Variants in GALNTL6 observed in about 807,000 individuals in gnomAD.
GALNTL6 encodes polypeptide N-acetylgalactosaminyltransferase like 6.
In GALNTL6, 46 loss-of-function variants were observed where a neutral mutation model predicts 73.7. The ratio of observed to expected loss-of-function variants is 0.62; its 90% CI spans 0.49 to 0.80. The LOEUF (loss-of-function observed/expected upper bound fraction) is 0.80, where lower values mean the gene tolerates loss of function less well. Ranked by LOEUF, GALNTL6 falls within the 30% of genes least tolerant of loss-of-function variation. The pLI is 0.00. For synonymous variants in GALNTL6, 259 were observed against 263.7 expected (o/e 0.98, Z 0.17); for missense variants, 604 against 755.0 (o/e 0.80, Z 2.34).
chr4:172,873,033 A>T (rs561539258), intron 7 of GALNTL6, among the ~76,000 whole-genome samples: 3 of 152,224 alleles, frequency 2.0e-5, no homozygotes, highest in Non-Finnish European at 4.4e-5. Context: ...AGAAATCTGC[A>T]TGTATTATTC....
At chr4:172,138,027 G>A (rs1194748523) in intron 2 of GALNTL6, among the ~76,000 whole-genome samples, 3 of 152,078 alleles carry the variant, frequency 2.0e-5, no homozygotes, top group East Asian at 1.9e-4. Flanking sequence ...GAGCTGCTGC[G>A]GAGTCCTGAT....
Position 171,821,140 on chromosome 4 carries a change from G to A in GALNTL6, c.138+6422G>A, listed in dbSNP as rs1579482209. On this transcript the variant is annotated intron_variant, in intron 2 of 12. Transcript: ENST00000506823. ...AGCCTCAGTCTCCTGGGCTCAAGCA[G>A]TCCTCCTGCCTCAGCCTTCCAAGTA... Among the ~76,000 whole-genome samples the A allele has an allele frequency of 2.0e-5, 3 of 152,032 alleles. No individual in the cohort carries two copies. The South Asian group carries it at 6.2e-4, about 31-fold the overall frequency.
At chr4:172,983,381 C>T (rs1180704499) in intron 10 of GALNTL6, among the ~76,000 whole-genome samples, 1 of 152,194 alleles carries the variant, frequency 6.6e-6, no homozygotes, top group Non-Finnish European at 1.5e-5. Context: ...GAAACTAAGA[C>T]ACCTTGTTTC....
At chr4:172,140,531 T>C (rs1266961159) in intron 2 of GALNTL6, among the ~76,000 whole-genome samples, 1 of 152,076 alleles carries the variant, frequency 6.6e-6, no homozygotes, top group African/African-American at 2.4e-5. Flanking sequence ...TAGGTATCAC[T>C]ATTTTCTCCA....
At chr4:172,099,879 C>A (rs72990331) in intron 2 of GALNTL6, among the ~76,000 whole-genome samples, 1,768 of 152,138 alleles carry the variant, frequency 0.012, 39 homozygotes, top group African/African-American at 0.039. Flanking sequence ...TTGACACTGT[C>A]CTTAAAATAT....
intron 2 of GALNTL6, among the ~76,000 whole-genome samples, chr4:172,165,926 GA>G (rs1734610280): frequency 6.6e-6 from 1 of 151,770 alleles, no homozygotes; most frequent in Non-Finnish European, 1.5e-5. Flanking sequence ...AAGCTTCAGA[GA>G]AGGAGAAAAA....
intron 2 of GALNTL6, among the ~76,000 whole-genome samples, chr4:171,955,811 A>G: frequency 6.6e-6 from 1 of 152,100 alleles, no homozygotes; most frequent in South Asian, 2.1e-4. Context: ...CATATATATA[A>G]CATGTTACCA....
chr4:172,325,873 C>T (rs1314471669), intron 4 of GALNTL6, among the ~76,000 whole-genome samples: 1 of 151,568 alleles, frequency 6.6e-6, no homozygotes, highest in Admixed American at 6.6e-5. Context: ...AAAAAGAAAA[C>T]TAAAAGAAAA....
intron 5 of GALNTL6, among the ~76,000 whole-genome samples, chr4:172,485,539 AT>A: frequency 6.6e-6 from 1 of 150,656 alleles, no homozygotes; most frequent in Non-Finnish European, 1.5e-5. Flanking sequence ...CTACTGATCT[AT>A]TCAGAGATCT....
chr4:172,250,152 C>G (rs1299221904), intron 3 of GALNTL6, among the ~76,000 whole-genome samples: 1 of 152,128 alleles, frequency 6.6e-6, no homozygotes, highest in South Asian at 2.1e-4. Context: ...TGTGGGAGCC[C>G]ACTCCTGCAT....
At chr4:172,443,229 G>A (rs1276005662) in intron 5 of GALNTL6, among the ~76,000 whole-genome samples, 5 of 140,660 alleles carry the variant, frequency 3.6e-5, no homozygotes, top group African/African-American at 1.3e-4. Context: ...GCAGTGGCAC[G>A]ATTTCAGCTC....
intron 5 of GALNTL6, among the ~76,000 whole-genome samples, chr4:172,655,585 C>T (rs946201080): frequency 6.6e-6 from 1 of 152,106 alleles, no homozygotes; most frequent in African/African-American, 2.4e-5. Flanking sequence ...CACTACAAAA[C>T]CTAGGTGTCT....
chr4:172,394,359 C>A (rs1044226992), intron 5 of GALNTL6, among the ~76,000 whole-genome samples: 6 of 151,458 alleles, frequency 4.0e-5, no homozygotes, highest in Non-Finnish European at 8.8e-5. Context: ...CACATGTGTT[C>A]CCAACTTCAA....
chr4:172,575,418 C>T (rs1218643514), intron 5 of GALNTL6, among the ~76,000 whole-genome samples: 1 of 152,146 alleles, frequency 6.6e-6, no homozygotes, highest in African/African-American at 2.4e-5. Context: ...ACACCAGCAA[C>T]AATCCTTTAT....
intron 5 of GALNTL6, among the ~76,000 whole-genome samples, chr4:172,591,727 T>C (rs62330039): frequency 0.46 from 70,077 of 152,076 alleles, 17,928 homozygotes; most frequent in East Asian, 0.68. Context: ...GACTCCATCA[T>C]CTTCATCATC....
rs182210136 is a variant in GALNTL6 at position 172,971,003 on chromosome 4, G to A, written c.1371+18745G>A. The stretch of plus-strand genomic sequence containing the variant: ...TAATGTGGGGAGCTGATAAATGTCC[G>A]TGAAATCTTCACAATTTATGTTCCT... On this transcript the variant is annotated intron_variant, in intron 10 of 12. Transcript: ENST00000506823. 2.4e-3 allele frequency among the ~76,000 whole-genome samples: 373 copies of A among 152,284 alleles called. 1 individual carries two copies. The highest frequency in any genetic ancestry group is 3.4e-3 in the Non-Finnish European group (230 of 68,006).
chr4:172,306,761 G>A (rs1016389297), intron 3 of GALNTL6, among the ~76,000 whole-genome samples: 2 of 152,150 alleles, frequency 1.3e-5, no homozygotes, highest in Admixed American at 6.5e-5. Context: ...ATGGTCTACA[G>A]CTCCATACAG....
At chr4:172,327,090 C>A (rs333382) in intron 4 of GALNTL6, among the ~76,000 whole-genome samples, 150,938 of 152,234 alleles carry the variant, frequency 0.99, 74,841 homozygotes, top group Middle Eastern at 1. Context: ...TGAATAGATA[C>A]TAATAAAAGT....
At chr4:172,873,619 G>T (rs1745051145) in intron 7 of GALNTL6, among the ~76,000 whole-genome samples, 1 of 152,192 alleles carries the variant, frequency 6.6e-6, no homozygotes, top group African/African-American at 2.4e-5. Flanking sequence ...TTTCCCTCCT[G>T]TCAGAGTTAG....
Sources: gnomAD v4.1 joint callset for allele counts (sites outside exome capture counted in the v4.1 genomes callset) on GRCh38, gnomAD v4.1.1 for gene constraint, MANE v1.5 for transcripts, NCBI Gene and HGNC (gene_info 2026-07-23, HGNC 2026-07-21) for gene names.